Variants in CCDC197 observed in about 807,000 individuals in gnomAD.
CCDC197 encodes uncharacterized protein CCDC197.
In CCDC197, 24 loss-of-function variants were observed where a neutral mutation model predicts 13.4. The observed-to-expected ratio is 1.80, with a 90% CI of 1.30 to 2.53. CCDC197 has a LOEUF of 2.53. Ranked by LOEUF, CCDC197 falls within the 30% of genes most tolerant of loss-of-function variation. The pLI, the probability that CCDC197 is intolerant of heterozygous loss-of-function variation, is 0.00. For missense variants in CCDC197, 255 were observed against 148.8 expected, an observed-to-expected ratio of 1.71 and a Z score of -3.71; for synonymous variants, 99 against 55.5, an observed-to-expected ratio of 1.78 and a Z score of -3.48.
Position 94,002,303 on chromosome 14 carries a change from T to C in CCDC197, c.367-920T>C, listed in dbSNP as rs143264937. 4.8e-3 allele frequency among the ~76,000 whole-genome samples: 726 copies of C among 152,198 alleles called. 5 individuals carry two copies. The highest frequency in any genetic ancestry group is 0.016 in the African/African-American group (681 of 41,530). On this transcript the variant is annotated intron_variant, in intron 4 of 6. Transcript: ENST00000636493. Reference sequence around the variant, plus strand: ...TTCTTTCCTTCTTTCTTTCATTTTTTTGGGAGACAGGGTTTCACTCTGTCG... The same window carrying C: ...TTCTTTCCTTCTTTCTTTCATTTTTCTGGGAGACAGGGTTTCACTCTGTCG...
At chr14:94,008,368 G>T (rs1368477534) in intron 6 of CCDC197, among the ~76,000 whole-genome samples, 1 of 152,198 alleles carries the variant, frequency 6.6e-6, no homozygotes, top group Non-Finnish European at 1.5e-5. Flanking sequence ...AGTCACACCA[G>T]GATCTGGACT....
chr14:93,998,483 T>C (rs543894630), intron 2 of CCDC197, among the ~76,000 whole-genome samples: 8 of 152,284 alleles, frequency 5.3e-5, no homozygotes, highest in African/African-American at 1.9e-4. Flanking sequence ...AGGCTGAGCC[T>C]CTACATCAGG....
chr14:94,008,562 C>G, intron 6 of CCDC197, 47 bp from the exon 7 acceptor site: 1 of 688,308 alleles, frequency 1.5e-6, no homozygotes, highest in Non-Finnish European at 2.7e-6. Context: ...AAAGCAGCGT[C>G]CAGAGGCCAA....
At chr14:93,999,961 C>A (rs542376057) in intron 3 of CCDC197, among the ~76,000 whole-genome samples, 1 of 152,276 alleles carries the variant, frequency 6.6e-6, no homozygotes, top group Admixed American at 6.5e-5. Flanking sequence ...ATGAAGTCAT[C>A]CTTTATAAGC....
rs759127379 is a variant in CCDC197, at chr14:94,002,851, C to CAAAA, written c.367-359_367-356dup. 4.2e-3 allele frequency among the ~76,000 whole-genome samples: 453 copies of CAAAA among 108,002 alleles called. 2 individuals are homozygous for CAAAA. The highest frequency in any genetic ancestry group is 0.013 in the African/African-American group (407 of 30,846). The allele number at this position is 108,002 out of a possible 152,430, so 70.9% of individuals were successfully genotyped here. A position where few individuals can be genotyped will look rare whatever the true frequency, so the allele number is the denominator to read the frequency against. ...CTGGGCAAAAAGAGTGAGACTGTCT[C>CAAAA]AAAAAAAAAAAAAAAACAAAATTAT... On this transcript the variant is annotated intron_variant, in intron 4 of 6. Coordinates refer to ENST00000636493, the MANE Select transcript of CCDC197 (RefSeq NM_001351596.2).
chr14:94,006,703 G>A (rs1890690753), intron 6 of CCDC197, among the ~76,000 whole-genome samples: 1 of 151,972 alleles, frequency 6.6e-6, no homozygotes, highest in Non-Finnish European at 1.5e-5. Context: ...TTTGCATTCT[G>A]GATACAGGTC....
At position 93,998,205 on chromosome 14, in the gene CCDC197, T is replaced by C; in HGVS notation, c.74T>C (p.Leu25Pro). The C allele has an allele frequency of 1.3e-6, 1 of 780,592 alleles. No homozygotes were observed. Among genetic ancestry groups the C allele is most frequent in the Admixed American group, 1.7e-5 (1 of 59,042 alleles). 48.4% of individuals were successfully genotyped at this position (780,592 alleles called of 1,614,324 possible). A position where few individuals can be genotyped will look rare whatever the true frequency, so the allele number is the denominator to read the frequency against. ...GACAAGGAAGGGGACCTTCAAGGGC[T>C]GTGGCAGGAACTCTACCAGCTCCAG... Reference protein sequence around the residue: ...PGDKEGDLQGLWQELYQLQAK... With the variant: ...PGDKEGDLQGPWQELYQLQAK... The change falls in exon 2 of 7, where the codon CTG (leucine) becomes CCG (proline). Residue 25 changes from leucine to proline, a missense_variant. Transcript: ENST00000636493.
chr14:93,998,085 G>A lies in CCDC197; in HGVS notation c.-47G>A. ...TTTTCGGTCTGTCTTCATCCTGCCTGACTCACGGGTCTCCTGTCCTCCTGC... is the reference window on the plus strand; with the variant it reads ...TTTTCGGTCTGTCTTCATCCTGCCTAACTCACGGGTCTCCTGTCCTCCTGC... On this transcript the variant is annotated 5_prime_UTR_variant, in exon 2 of 7. Coordinates refer to ENST00000636493, the MANE Select transcript of CCDC197 (RefSeq NM_001351596.2). 1.3e-6 allele frequency: 1 copy of A among 779,154 alleles called. No homozygotes were observed. Among genetic ancestry groups the A allele is most frequent in the African/African-American group, 1.7e-5 (1 of 59,232 alleles). The allele number at this position is 779,154 out of a possible 1,614,324, so 48.3% of individuals were successfully genotyped here.
chr14:94,007,799 C>T (rs1005239640), intron 6 of CCDC197, among the ~76,000 whole-genome samples: 10 of 152,300 alleles, frequency 6.6e-5, no homozygotes, highest in Middle Eastern at 6.8e-3. Context: ...TATCCAAACA[C>T]GGGATACTTA....
intron 6 of CCDC197, among the ~76,000 whole-genome samples, chr14:94,005,913 A>G (rs1486253847): frequency 1.3e-5 from 2 of 151,886 alleles, no homozygotes; most frequent in African/African-American, 4.8e-5. Context: ...GTTGACGGAC[A>G]TCTGGATTGT....
At position 94,008,822 on chromosome 14, in the gene CCDC197, G is replaced by A. The variant is rs1464809127; in HGVS notation, c.*10G>A. ...CTCCGGCCTGTACTGACCAGCCTGC[G>A]CCTTGCAGGCCCCATGGCATCACGA... On this transcript the variant is annotated 3_prime_UTR_variant, in exon 7 of 7. Coordinates refer to ENST00000636493, the MANE Select transcript of CCDC197 (RefSeq NM_001351596.2). The A allele has an allele frequency of 7.2e-6, 5 of 692,674 alleles. No homozygotes were observed. Among genetic ancestry groups the A allele is most frequent in the Admixed American group, 6.0e-5 (3 of 49,672 alleles). 42.9% of individuals were successfully genotyped at this position (692,674 alleles called of 1,614,324 possible). A position where few individuals can be genotyped will look rare whatever the true frequency, so the allele number is the denominator to read the frequency against.
chr14:94,009,106 A>G (rs117884385), downstream of CCDC197, among the ~76,000 whole-genome samples: 2,343 of 152,298 alleles, frequency 0.015, 38 homozygotes, highest in South Asian at 0.039. Context: ...AGCCGGGGCT[A>G]CATCTCTCAC....
Position 94,008,776 on chromosome 14 carries a change from C to T in CCDC197, c.783C>T (p.Pro261=), listed in dbSNP as rs1285321334. ...TTTCCACCCCCAGGACCCCCTTTCC[C>T]AGCCCCCATGCTTCAGAGTGCTCCG... The part of the protein sequence containing the change: ...RRVSTPRTPF[P]SPHASECSGL... Residue 261 remains proline (P), a synonymous_variant, in exon 7 of 7, where the codon CCC becomes CCT. Coordinates refer to ENST00000636493, the MANE Select transcript of CCDC197 (RefSeq NM_001351596.2). The T allele has an allele frequency of 1.3e-5, 9 of 702,498 alleles. No individual in the cohort carries two copies. The highest frequency in any genetic ancestry group is 2.3e-5 in the Non-Finnish European group (9 of 384,998). 43.5% of individuals were successfully genotyped at this position (702,498 alleles called of 1,614,324 possible). A position where few individuals can be genotyped will look rare whatever the true frequency, so the allele number is the denominator to read the frequency against.
chr14:94,002,863 A>AAC (rs1555432542), intron 4 of CCDC197, among the ~76,000 whole-genome samples: 4 of 151,248 alleles, frequency 2.6e-5, no homozygotes, highest in African/African-American at 4.9e-5. Flanking sequence ...AAAAAAAAAA[A>AAC]AAAACAAAAT....
downstream of CCDC197, among the ~76,000 whole-genome samples, chr14:94,010,306 C>T (rs772060586): frequency 4.6e-5 from 7 of 152,174 alleles, no homozygotes; most frequent in African/African-American, 9.7e-5. Flanking sequence ...CGGGTTTAAG[C>T]GATTCTCCTG....
intron 6 of CCDC197, among the ~76,000 whole-genome samples, chr14:94,005,636 C>A (rs558819197): frequency 6.6e-6 from 1 of 152,190 alleles, no homozygotes; most frequent in Non-Finnish European, 1.5e-5. Flanking sequence ...TAACATTTAG[C>A]CCTTACAATT....
In CCDC197 at chr14:93,999,587, A is replaced by T. The variant is rs77569032; in HGVS notation, c.109A>T (p.Lys37Ter). The change falls in exon 3 of 7, where the codon AAG (lysine) becomes TAG (stop). Residue 37 changes from lysine (K) to a stop codon, truncating the protein, a stop_gained. Transcript: ENST00000636493. LOFTEE classifies it high-confidence loss of function. ...QELYQLQAKQ[K>*]KLKREVEKHK... ...TTCCTGCATCTGGCTCTACAGGCAG[A>T]AGAAGCTCAAGAGAGAAGTCGAGAA... is the stretch of plus-strand genomic sequence containing the variant. 45 of 780,986 alleles carry T rather than the reference A, an allele frequency of 5.8e-5. 1 individual carries two copies. The East Asian group carries it at 1.1e-3, about 19-fold the overall frequency. 48.4% of individuals were successfully genotyped at this position (780,986 alleles called of 1,614,324 possible). A position where few individuals can be genotyped will look rare whatever the true frequency, so the allele number is the denominator to read the frequency against.
upstream of CCDC197, among the ~76,000 whole-genome samples, chr14:93,996,281 A>T (rs1204240723): frequency 6.6e-6 from 1 of 152,094 alleles, no homozygotes; most frequent in Non-Finnish European, 1.5e-5. Context: ...CACATAAGCG[A>T]GGGGCTCTAG....
rs118060463 is a variant in CCDC197, at chr14:94,005,743, G to A, written c.615+772G>A. Among the ~76,000 whole-genome samples, 19 of 152,180 alleles carry A rather than the reference G, an allele frequency of 1.2e-4. No individual in the cohort carries two copies. The East Asian group carries it at 3.7e-3, about 29-fold the overall frequency. On this transcript the variant is annotated intron_variant, in intron 6 of 6. Coordinates refer to ENST00000636493, the MANE Select transcript of CCDC197 (RefSeq NM_001351596.2). ...TCACCCCCAAAAAGATACATTTAGCGTCTGGCTGCTTTCATTTAGCGTCTG... is the reference window on the plus strand; with the variant it reads ...TCACCCCCAAAAAGATACATTTAGCATCTGGCTGCTTTCATTTAGCGTCTG...
Sources: allele counts gnomAD v4.1 joint callset (sites outside exome capture counted in the v4.1 genomes callset), GRCh38; gene constraint gnomAD v4.1.1; transcripts MANE v1.5; gene names NCBI Gene and HGNC (gene_info 2026-07-23, HGNC 2026-07-21).